SEMA6D: variants seen among roughly 807,000 people sequenced by gnomAD.
SEMA6D encodes the protein semaphorin-6D.
SEMA6D carries 35 observed loss-of-function variants against 106.6 expected under a neutral mutation model. The observed-to-expected ratio is 0.33, with a 90% CI of 0.25 to 0.44. SEMA6D has a LOEUF of 0.44. Among genes scored for constraint, SEMA6D ranks in the 20% least tolerant of loss-of-function variants. The pLI, the probability that SEMA6D is intolerant of heterozygous loss-of-function variation, is 1.00. For synonymous variants in SEMA6D, 499 were observed against 487.7 expected (o/e 1.02, Z -0.31); for missense variants, 1,185 against 1,345.9 (o/e 0.88, Z 1.87).
chr15:47,192,151 C>T (rs180905533), intron 1 of SEMA6D, among the ~76,000 whole-genome samples: 3 of 152,234 alleles, frequency 2.0e-5, no homozygotes, highest in Admixed American at 1.3e-4. Flanking sequence ...TTTCTCCTCT[C>T]TCCTTAAACA....
chr15:47,268,804 C>A (rs1254020019), intron 1 of SEMA6D, among the ~76,000 whole-genome samples: 5 of 152,126 alleles, frequency 3.3e-5, no homozygotes, highest in African/African-American at 1.2e-4. Context: ...TAATTTTAAG[C>A]CATTTCATAA....
chr15:47,635,426 A>T (rs976838955), intron 4 of SEMA6D, among the ~76,000 whole-genome samples: 1 of 152,276 alleles, frequency 6.6e-6, no homozygotes, highest in East Asian at 1.9e-4. Flanking sequence ...ACAGCTCCCA[A>T]TAGGGTCCTT....
intron 3 of SEMA6D, among the ~76,000 whole-genome samples, chr15:47,476,186 A>G (rs1460749828): frequency 6.6e-6 from 1 of 152,312 alleles, no homozygotes; most frequent in African/African-American, 2.4e-5. Flanking sequence ...AACTTTACGG[A>G]GAATGCTGGG....
At chr15:47,256,836 G>A (rs1205492220) in intron 1 of SEMA6D, among the ~76,000 whole-genome samples, 3 of 152,018 alleles carry the variant, frequency 2.0e-5, no homozygotes, top group Non-Finnish European at 4.4e-5. Context: ...TCCAGCCTGG[G>A]TGACAAAGTG....
At chr15:47,682,963 G>C (rs1023967590) in intron 4 of SEMA6D, among the ~76,000 whole-genome samples, 4 of 152,184 alleles carry the variant, frequency 2.6e-5, no homozygotes, top group Non-Finnish European at 5.9e-5. Context: ...TTGATTGGTT[G>C]CCTGAATACA....
chr15:47,379,082 C>G (rs1459151012), intron 1 of SEMA6D, among the ~76,000 whole-genome samples: 7 of 152,206 alleles, frequency 4.6e-5, no homozygotes, highest in Non-Finnish European at 8.8e-5. Context: ...AATTTCCAAA[C>G]CAGCTGTGAA....
intron 1 of SEMA6D, among the ~76,000 whole-genome samples, chr15:47,357,181 A>G (rs1382323246): frequency 6.6e-6 from 1 of 151,890 alleles, no homozygotes; most frequent in Non-Finnish European, 1.5e-5. Context: ...AAAAATACAA[A>G]AAATTAGCCG....
At chr15:47,201,327 C>T (rs1894713923) in intron 1 of SEMA6D, among the ~76,000 whole-genome samples, 2 of 151,982 alleles carry the variant, frequency 1.3e-5, no homozygotes, top group South Asian at 4.2e-4. Context: ...TTGTACTGAG[C>T]CCATTTACAA....
chr15:47,212,616 CCTTTT>C (rs1200999186), intron 1 of SEMA6D, among the ~76,000 whole-genome samples: 3 of 152,194 alleles, frequency 2.0e-5, no homozygotes, highest in Non-Finnish European at 4.4e-5. Flanking sequence ...AATTCTATTT[CCTTTT>C]AAGTCTATAC....
intron 3 of SEMA6D, among the ~76,000 whole-genome samples, chr15:47,544,591 C>T (rs1307421932): frequency 6.6e-6 from 1 of 152,038 alleles, no homozygotes; most frequent in African/African-American, 2.4e-5. Flanking sequence ...CAGATTAGTA[C>T]ATGTCATCCA....
chr15:47,261,120 G>C (rs1210352722), intron 1 of SEMA6D, among the ~76,000 whole-genome samples: 1 of 152,172 alleles, frequency 6.6e-6, no homozygotes, highest in Non-Finnish European at 1.5e-5. Flanking sequence ...GTCTATGCCA[G>C]AAGTCCAGCT....
chr15:47,707,470 C>A (rs973426988), intron 4 of SEMA6D, among the ~76,000 whole-genome samples: 2 of 152,180 alleles, frequency 1.3e-5, no homozygotes, highest in Non-Finnish European at 2.9e-5. Flanking sequence ...ACTAAACAGT[C>A]AGCTCAAAAA....
chr15:47,278,487 G>C (rs1301955441), intron 1 of SEMA6D, among the ~76,000 whole-genome samples: 1 of 152,034 alleles, frequency 6.6e-6, no homozygotes, highest in African/African-American at 2.4e-5. Context: ...AAATTTGTTT[G>C]AGTTATTTGT....
intron 1 of SEMA6D, among the ~76,000 whole-genome samples, chr15:47,735,718 A>G (rs1450082940): frequency 2.0e-5 from 3 of 152,182 alleles, no homozygotes; most frequent in Admixed American, 6.5e-5. Flanking sequence ...AAACGTTTGC[A>G]TCATTAAGTT....
chr15:47,274,013 G>T (rs145913454), intron 1 of SEMA6D, among the ~76,000 whole-genome samples: 1 of 152,084 alleles, frequency 6.6e-6, no homozygotes, highest in Non-Finnish European at 1.5e-5. Context: ...GTAGAGCTTG[G>T]GGGTATGGAC....
intron 1 of SEMA6D, among the ~76,000 whole-genome samples, chr15:47,719,176 T>C (rs981411489): frequency 3.3e-5 from 5 of 151,910 alleles, no homozygotes; most frequent in East Asian, 3.9e-4. Flanking sequence ...TGGAGGGGGA[T>C]TGAAGTCCCG....
At chr15:47,766,204 A>T (rs2082328540) in intron 15 of SEMA6D, 22 bp downstream of exon 15, 2 of 1,599,064 alleles carry the variant, frequency 1.3e-6, no homozygotes, top group African/African-American at 2.7e-5. Context: ...TTGTCACATG[A>T]GCTAGGATGA....
At chr15:47,273,683 T>C (rs2034665352) in intron 1 of SEMA6D, among the ~76,000 whole-genome samples, 1 of 152,192 alleles carries the variant, frequency 6.6e-6, no homozygotes, top group Non-Finnish European at 1.5e-5. Context: ...TGTAAATTAG[T>C]GAATGTTATG....
At chr15:47,229,072 C>T (rs752636262) in intron 1 of SEMA6D, among the ~76,000 whole-genome samples, 3 of 151,954 alleles carry the variant, frequency 2.0e-5, no homozygotes, top group South Asian at 2.1e-4. Flanking sequence ...TCTTACTGAG[C>T]GTATACTAAA....
Sources: gnomAD v4.1 joint callset for allele counts (sites outside exome capture counted in the v4.1 genomes callset) on GRCh38, gnomAD v4.1.1 for gene constraint, MANE v1.5 for transcripts, NCBI Gene and HGNC (gene_info 2026-07-23, HGNC 2026-07-21) for gene names.